HDGFL3: variants seen among roughly 807,000 people sequenced by gnomAD.
HDGFL3 encodes HDGF like 3, also known as hepatoma-derived growth factor-related protein 3.
A neutral mutation model predicts 27.6 loss-of-function variants in HDGFL3; 6 were observed. That is an observed-to-expected ratio of 0.22 (90% CI 0.12 to 0.43). The LOEUF is 0.43. HDGFL3 is among the 20% of genes least tolerant of loss of function. The pLI is 1.00. For synonymous variants in HDGFL3, 88 were observed against 88.9 expected (o/e 0.99, Z 0.05); for missense variants, 207 against 250.1 (o/e 0.83, Z 1.16).
intron 1 of HDGFL3, among the ~76,000 whole-genome samples, chr15:83,177,481 C>G (rs1453670216): frequency 1.3e-5 from 2 of 152,146 alleles, no homozygotes; most frequent in East Asian, 3.8e-4. Context: ...AAAATATAAA[C>G]TTGAATTACA....
intron 1 of HDGFL3, among the ~76,000 whole-genome samples, chr15:83,190,181 C>A (rs1042778206): frequency 2.7e-5 from 4 of 149,184 alleles, no homozygotes; most frequent in African/African-American, 1.0e-4. Context: ...ATACTCCAGC[C>A]TGGGCAACAG....
intron 1 of HDGFL3, among the ~76,000 whole-genome samples, chr15:83,189,193 T>G (rs4563011): frequency 6.6e-6 from 1 of 151,782 alleles, no homozygotes; most frequent in South Asian, 2.1e-4. Context: ...CTTCCCCTAC[T>G]CCACCCCTCC....
Position 83,136,203 on chromosome 15 carries a change from A to G in HDGFL3, c.*3067T>C. On this transcript the variant is annotated 3_prime_UTR_variant, in exon 6 of 6. Coordinates refer to ENST00000299633, the MANE Select transcript of HDGFL3 (RefSeq NM_016073.4). ...ACTAATGTTCGGTAAGGGGCACTTGATGGTTAAAAAACACAACTGGCATGA... is the reference window on the plus strand; with the variant it reads ...ACTAATGTTCGGTAAGGGGCACTTGGTGGTTAAAAAACACAACTGGCATGA... 1 of 277,398 alleles carries G rather than the reference A, an allele frequency of 3.6e-6. No individual in the cohort carries two copies. The highest frequency in any genetic ancestry group is 6.2e-5 in the East Asian group (1 of 16,004). 17.2% of individuals were successfully genotyped at this position (277,398 alleles called of 1,614,324 possible). A position where few individuals can be genotyped will look rare whatever the true frequency, so the allele number is the denominator to read the frequency against.
chr15:83,202,255 G>A (rs1232911579), intron 1 of HDGFL3, among the ~76,000 whole-genome samples: 5 of 152,118 alleles, frequency 3.3e-5, no homozygotes, highest in Non-Finnish European at 5.9e-5. Flanking sequence ...TACAGTAGGT[G>A]CTCAACAAAA....
chr15:83,126,830 G>A (rs778832563), downstream of HDGFL3: 3 of 1,613,296 alleles, frequency 1.9e-6, no homozygotes, highest in South Asian at 3.3e-5. Flanking sequence ...GGATCCTGCT[G>A]CTTATCCTAA....
chr15:83,112,841 T>C, exon 4 of HDGFL3: 1 of 1,614,134 alleles, frequency 6.2e-7, no homozygotes, highest in African/African-American at 1.3e-5. Context: ...CTGTTCCTGG[T>C]AGCACTGCTG....
At chr15:83,117,520 G>A (rs1188064369) in intron 3 of HDGFL3, among the ~76,000 whole-genome samples, 1 of 152,186 alleles carries the variant, frequency 6.6e-6, no homozygotes, top group Non-Finnish European at 1.5e-5. Flanking sequence ...CAGGCCAAGA[G>A]GCAGAAGGAA....
At chr15:83,177,768 GT>G (rs1340690308) in intron 1 of HDGFL3, among the ~76,000 whole-genome samples, 1 of 152,126 alleles carries the variant, frequency 6.6e-6, no homozygotes, top group Non-Finnish European at 1.5e-5. Context: ...TAGAAAGGAT[GT>G]ATAATATGTA....
chr15:83,176,906 C>G (rs567153450), intron 1 of HDGFL3, among the ~76,000 whole-genome samples: 1 of 74,842 alleles, frequency 1.3e-5, no homozygotes, highest in East Asian at 2.4e-4. Context: ...TAAAGGAGAA[C>G]TACACTATAT....
chr15:83,168,691 T>A (rs1423279382), intron 1 of HDGFL3, among the ~76,000 whole-genome samples: 1 of 152,206 alleles, frequency 6.6e-6, no homozygotes. Flanking sequence ...AGCCAAATTC[T>A]ACCAGAGGTA....
chr15:83,164,367 CA>C (rs869303457), intron 1 of HDGFL3, among the ~76,000 whole-genome samples: 1,618 of 38,366 alleles, frequency 0.042, 6 homozygotes, highest in East Asian at 0.081. Context: ...TTAGAGTAAC[CA>C]AAAAAAAAAA....
At chr15:83,156,974 G>C (rs139623193) in intron 4 of HDGFL3, among the ~76,000 whole-genome samples, 125 of 152,266 alleles carry the variant, frequency 8.2e-4, no homozygotes, top group African/African-American at 2.5e-3. Flanking sequence ...TGAGATTACA[G>C]GTGTGAGCCA....
intron 1 of HDGFL3, among the ~76,000 whole-genome samples, chr15:83,164,367 CAAAAAAAAAAAAA>C (rs869303457): frequency 3.1e-4 from 12 of 38,392 alleles, no homozygotes; most frequent in African/African-American, 5.0e-4. Context: ...TTAGAGTAAC[CAAAAAAAAAAAAA>C]AAAAAAAAAA....
intron 1 of HDGFL3, among the ~76,000 whole-genome samples, chr15:83,165,794 CAAAAAAAAAA>C (rs57873221): frequency 5.1e-4 from 7 of 13,842 alleles, no homozygotes; most frequent in South Asian, 2.9e-3. Flanking sequence ...GAATCCATCT[CAAAAAAAAAA>C]AAAAAAAAAA....
At chr15:83,127,281 T>C, downstream of HDGFL3, 2 of 1,421,156 alleles carry the variant, frequency 1.4e-6, no homozygotes, top group Non-Finnish European at 1.9e-6. Context: ...GATGAAAATG[T>C]TTACTTTTTT....
chr15:83,143,222 G>A (rs2036816390), intron 5 of HDGFL3, among the ~76,000 whole-genome samples: 1 of 152,144 alleles, frequency 6.6e-6, no homozygotes, highest in Non-Finnish European at 1.5e-5. Context: ...ATGTTGGCCA[G>A]GCTGGTGTTG....
In HDGFL3 at chr15:83,167,354, G is replaced by A. The variant is rs559685890; in HGVS notation, c.85-3279C>T. On this transcript the variant is annotated intron_variant, in intron 1 of 5. Coordinates refer to ENST00000299633, the MANE Select transcript of HDGFL3 (RefSeq NM_016073.4). ...GGGGATCACCCGAGGTCAGGAGATC[G>A]AAGCCAGCCTGGCCAAGATGGTGAA... is the stretch of plus-strand genomic sequence containing the variant. Among the ~76,000 whole-genome samples, 204 of 152,264 alleles carry A rather than the reference G, an allele frequency of 1.3e-3. 3 individuals are homozygous for A. Among genetic ancestry groups the A allele is most frequent in the Non-Finnish European group, 7.2e-4 (49 of 68,012 alleles).
chr15:83,197,942 G>C (rs2037591756), intron 1 of HDGFL3, among the ~76,000 whole-genome samples: 1 of 150,772 alleles, frequency 6.6e-6, no homozygotes. Context: ...GGCTGAGGCA[G>C]GAGAACCTGG....
chr15:83,181,834 C>T (rs567685166), intron 1 of HDGFL3, among the ~76,000 whole-genome samples: 194 of 152,196 alleles, frequency 1.3e-3, no homozygotes, highest in Middle Eastern at 3.4e-3. Flanking sequence ...AACGCTGCAC[C>T]CTCCTCCTCC....
Sources: allele counts gnomAD v4.1 joint callset (sites outside exome capture counted in the v4.1 genomes callset), GRCh38; gene constraint gnomAD v4.1.1; transcripts MANE v1.5; gene names NCBI Gene and HGNC (gene_info 2026-07-23, HGNC 2026-07-21).